CEP112: variants seen among roughly 807,000 people sequenced by gnomAD.
CEP112 encodes the protein centrosomal protein 112, also known as centrosomal protein of 112 kDa.
A neutral mutation model predicts 153.0 loss-of-function variants in CEP112; 127 were observed. That is an observed-to-expected ratio of 0.83 (90% CI 0.72 to 0.96). The LOEUF is 0.96. CEP112 is among the 40% of genes least tolerant of loss of function. The pLI, the probability that CEP112 is intolerant of heterozygous loss-of-function variation, is 0.00. For missense variants in CEP112, 1,089 were observed against 1,101.2 expected (o/e 0.99, Z 0.16); for synonymous variants, 358 against 374.4 (o/e 0.96, Z 0.51).
chr17:65,961,372 A>C, intron 18 of CEP112, 91 bp downstream of exon 18: 1 of 1,289,784 alleles, frequency 7.8e-7, no homozygotes, highest in Non-Finnish European at 1.1e-6. Flanking sequence ...CTCTTTTAAA[A>C]AGTGAAATGT....
At chr17:66,046,385 T>C (rs1464025586) in intron 12 of CEP112, among the ~76,000 whole-genome samples, 1 of 152,154 alleles carries the variant, frequency 6.6e-6, no homozygotes, top group Non-Finnish European at 1.5e-5. Flanking sequence ...GCATACACCA[T>C]ACTAGTGTGT....
intron 4 of CEP112, among the ~76,000 whole-genome samples, chr17:66,155,436 C>T (rs954668808): frequency 1.3e-5 from 2 of 152,036 alleles, no homozygotes; most frequent in Non-Finnish European, 2.9e-5. Flanking sequence ...CCACCAGGGC[C>T]CTGGGTTTCA....
chr17:65,931,354 T>C (rs1438931005), intron 18 of CEP112, among the ~76,000 whole-genome samples: 2 of 152,106 alleles, frequency 1.3e-5, no homozygotes, highest in African/African-American at 4.8e-5. Context: ...ATAATAGAAA[T>C]GGTTTCACGT....
intron 24 of CEP112, among the ~76,000 whole-genome samples, chr17:65,651,101 T>G (rs2045749368): frequency 6.6e-6 from 1 of 152,072 alleles, no homozygotes; most frequent in African/African-American, 2.4e-5. Flanking sequence ...CCACCCTTTC[T>G]CCCTGAGTCC....
intron 19 of CEP112, among the ~76,000 whole-genome samples, chr17:65,924,421 T>C (rs7207071): frequency 0.038 from 5,766 of 152,292 alleles, 327 homozygotes; most frequent in African/African-American, 0.12. Context: ...ATTTTGGGAT[T>C]AAAATCTATA....
At chr17:65,636,376 G>A (rs967144401) in intron 26 of CEP112, among the ~76,000 whole-genome samples, 11 of 152,200 alleles carry the variant, frequency 7.2e-5, no homozygotes, top group Non-Finnish European at 1.5e-4. Flanking sequence ...CTGGATCACT[G>A]AGCTGTTGGT....
chr17:65,891,511 A>C (rs576199596), intron 20 of CEP112, among the ~76,000 whole-genome samples: 13 of 152,162 alleles, frequency 8.5e-5, no homozygotes, highest in African/African-American at 3.1e-4. Context: ...TCTAGGAGTT[A>C]CTCGTACTTC....
In CEP112 at chr17:66,103,940, C is replaced by A. The variant is rs147134165; in HGVS notation, c.643-7308G>T. Among the ~76,000 whole-genome samples, 391 of 152,268 alleles carry A rather than the reference C, an allele frequency of 2.6e-3. 4 individuals carry two copies. The highest frequency in any genetic ancestry group is 8.6e-3 in the African/African-American group (359 of 41,556). On this transcript the variant is annotated intron_variant, in intron 6 of 26. Transcript: ENST00000535342. ...CCCACAGAGGAACATTTAGACCAAC[C>A]CTAGCCAGAGGCAAATCATTCATCC...
At chr17:66,038,314 G>A (rs2065828642) in intron 12 of CEP112, among the ~76,000 whole-genome samples, 1 of 152,074 alleles carries the variant, frequency 6.6e-6, no homozygotes, top group Admixed American at 6.6e-5. Flanking sequence ...CCAAGTTTCT[G>A]ACTGAAGAAG....
chr17:65,690,448 A>AAAAT (rs1175105899), intron 23 of CEP112, among the ~76,000 whole-genome samples: 2 of 150,804 alleles, frequency 1.3e-5, no homozygotes, highest in South Asian at 4.2e-4. Context: ...AAAAAAAAAA[A>AAAAT]TCCTTGCATT....
intron 8 of CEP112, among the ~76,000 whole-genome samples, chr17:66,086,423 A>G (rs866984775): frequency 7.5e-4 from 63 of 84,252 alleles, no homozygotes; most frequent in African/African-American, 2.8e-3. Context: ...TTTTTTTTTG[A>G]GAAGGAGTCT....
At chr17:65,678,404 T>A (rs1808278186) in intron 24 of CEP112, among the ~76,000 whole-genome samples, 1 of 152,224 alleles carries the variant, frequency 6.6e-6, no homozygotes, top group Admixed American at 6.5e-5. Context: ...TTTCTTCTAT[T>A]TTATTCTTTA....
chr17:66,088,683 G>T (rs1479621333), intron 8 of CEP112, among the ~76,000 whole-genome samples: 1 of 152,130 alleles, frequency 6.6e-6, no homozygotes, highest in African/African-American at 2.4e-5. Context: ...AACCCCTGTG[G>T]TCCCATACAC....
intron 18 of CEP112, among the ~76,000 whole-genome samples, chr17:65,937,496 C>T (rs1255827705): frequency 7.4e-6 from 1 of 135,004 alleles, no homozygotes; most frequent in Non-Finnish European, 1.6e-5. Flanking sequence ...AGACCCTCTG[C>T]CTGGCAACCG....
chr17:65,681,467 C>T (rs1302413082), intron 24 of CEP112, among the ~76,000 whole-genome samples: 1 of 151,198 alleles, frequency 6.6e-6, no homozygotes, highest in Non-Finnish European at 1.5e-5. Context: ...AGTCCTAGGG[C>T]TCTTTCTTGA....
rs117019074 is a variant in CEP112 at position 66,041,876 on chromosome 17, C to T, written c.1219-11853G>A. 8.3e-3 allele frequency among the ~76,000 whole-genome samples: 1,260 copies of T among 152,268 alleles called. 13 individuals are homozygous for T. The highest frequency in any genetic ancestry group is 9.2e-3 in the Non-Finnish European group (623 of 68,026). ...CCAAAAATTTATATAGATACCCCAC[C>T]CTCAAGAGCAGGGAGTAAAACTCCC... On this transcript the variant is annotated intron_variant, in intron 12 of 26. Coordinates refer to ENST00000535342, the MANE Select transcript of CEP112 (RefSeq NM_001199165.4).
intron 2 of CEP112, among the ~76,000 whole-genome samples, 167 bp downstream of exon 2, chr17:66,183,027 T>C (rs917424364): frequency 3.3e-5 from 5 of 152,236 alleles, no homozygotes; most frequent in African/African-American, 9.6e-5. Flanking sequence ...TATCACTGAA[T>C]GTCTATCTAC....
chr17:66,118,100 G>C (rs2069389691), intron 6 of CEP112, among the ~76,000 whole-genome samples: 1 of 152,114 alleles, frequency 6.6e-6, no homozygotes, highest in African/African-American at 2.4e-5. Flanking sequence ...AGAACAGTAT[G>C]GTGGTTTCTT....
intron 21 of CEP112, among the ~76,000 whole-genome samples, chr17:65,821,510 A>AAT (rs1568066774): frequency 2.2e-4 from 24 of 110,560 alleles, no homozygotes; most frequent in African/African-American, 7.1e-4. Flanking sequence ...ATATATATAT[A>AAT]TAATTATATA....
Sources: allele counts gnomAD v4.1 joint callset (sites outside exome capture counted in the v4.1 genomes callset), GRCh38; gene constraint gnomAD v4.1.1; transcripts MANE v1.5; gene names NCBI Gene and HGNC (gene_info 2026-07-23, HGNC 2026-07-21).